Variants in PCAT7 observed in about 807,000 individuals in gnomAD.
PCAT7 encodes prostate cancer associated transcript 7.
At chr9:94,564,094 G>A (rs1172371875) in intron 2 of PCAT7, among the ~76,000 whole-genome samples, 1 of 152,078 alleles carries the variant, frequency 6.6e-6, no homozygotes, top group African/African-American at 2.4e-5. Context: ...AATTAACGAA[G>A]ATACTCAAGA....
At chr9:94,564,426 G>T (rs1827155929) in intron 2 of PCAT7, among the ~76,000 whole-genome samples, 1 of 152,178 alleles carries the variant, frequency 6.6e-6, no homozygotes, top group African/African-American at 2.4e-5. Flanking sequence ...CCCATCAGTG[G>T]TAGACTGGAT....
intron 1 of PCAT7, among the ~76,000 whole-genome samples, chr9:94,555,716 A>G (rs907838944): frequency 3.3e-5 from 5 of 151,596 alleles, no homozygotes; most frequent in Admixed American, 3.3e-4. Flanking sequence ...AGCGGGAGGA[A>G]GACAAGGTTT....
intron 2 of PCAT7, among the ~76,000 whole-genome samples, chr9:94,563,967 A>C (rs556905944): frequency 5.3e-5 from 8 of 152,178 alleles, no homozygotes; most frequent in African/African-American, 1.9e-4. Context: ...CACCTAACAC[A>C]GGGGCACCCA....
At chr9:94,556,875 G>A (rs1827020617) in intron 1 of PCAT7, among the ~76,000 whole-genome samples, 1 of 152,132 alleles carries the variant, frequency 6.6e-6, no homozygotes, top group Admixed American at 6.5e-5. Flanking sequence ...TAAGGTAATG[G>A]CCTAGATGTA....
intron 1 of PCAT7, among the ~76,000 whole-genome samples, chr9:94,556,406 A>C (rs1412338203): frequency 6.6e-6 from 1 of 151,554 alleles, no homozygotes; most frequent in Non-Finnish European, 1.5e-5. Flanking sequence ...GTAGGGAGAA[A>C]ACGGTGAAAA....
At chr9:94,565,783 GATAGA>G (rs1564180703) in intron 2 of PCAT7, among the ~76,000 whole-genome samples, 2 of 135,232 alleles carry the variant, frequency 1.5e-5, no homozygotes, top group Non-Finnish European at 3.2e-5. Flanking sequence ...TAGATAGATA[GATAGA>G]TGATAGATAG....
intron 2 of PCAT7, among the ~76,000 whole-genome samples, chr9:94,561,936 C>T (rs1827111513): frequency 6.6e-6 from 1 of 152,136 alleles, no homozygotes; most frequent in Non-Finnish European, 1.5e-5. Context: ...GACTCATTTA[C>T]GATCATTTGA....
At chr9:94,570,267 C>G (rs1827253378) in intron 2 of PCAT7, 1 of 152,168 alleles carries the variant, frequency 6.6e-6, no homozygotes, top group African/African-American at 2.4e-5. Flanking sequence ...AGATATTTTG[C>G]TTGTACTCAA....
intron 3 of PCAT7, among the ~76,000 whole-genome samples, chr9:94,573,470 G>A (rs1827288806): frequency 1.3e-5 from 2 of 152,242 alleles, no homozygotes; most frequent in African/African-American, 4.8e-5. Context: ...TGTTGCCCAG[G>A]CTGGTCTCAA....
intron 2 of PCAT7, among the ~76,000 whole-genome samples, chr9:94,564,534 ATTATC>A (rs1827157713): frequency 6.6e-6 from 1 of 152,186 alleles, no homozygotes; most frequent in Non-Finnish European, 1.5e-5. Context: ...TGAAGGCCTA[ATTATC>A]TTAAGTAAAC....
chr9:94,564,022 A>AC (rs761519858), intron 2 of PCAT7, among the ~76,000 whole-genome samples: 4 of 151,950 alleles, frequency 2.6e-5, no homozygotes, highest in Admixed American at 6.6e-5. Context: ...AGACTTAGAC[A>AC]CCCCCCCACA....
chr9:94,568,655 G>A (rs1295037377), intron 2 of PCAT7: 2 of 152,198 alleles, frequency 1.3e-5, no homozygotes, highest in African/African-American at 4.8e-5. Context: ...ACTCCACATA[G>A]CAGAGGTGTT....
At chr9:94,561,656 C>T (rs948473894) in intron 2 of PCAT7, among the ~76,000 whole-genome samples, 1 of 152,156 alleles carries the variant, frequency 6.6e-6, no homozygotes, top group African/African-American at 2.4e-5. Flanking sequence ...TGAGCCACCG[C>T]AGCCAGCCAT....
intron 2 of PCAT7, chr9:94,571,349 G>C (rs1827266346): frequency 8.6e-7 from 1 of 1,161,004 alleles, no homozygotes; most frequent in Admixed American, 3.0e-5. Flanking sequence ...CAGGACCCCT[G>C]GTCCCCAAAA....
chr9:94,563,847 T>C (rs919054593), intron 2 of PCAT7, among the ~76,000 whole-genome samples: 2 of 152,034 alleles, frequency 1.3e-5, no homozygotes, highest in African/African-American at 4.8e-5. Flanking sequence ...AATCCTAATT[T>C]CAGACAAAAT....
At chr9:94,558,644 C>T in intron 1 of PCAT7, 1 of 356,674 alleles carries the variant, frequency 2.8e-6, no homozygotes, top group African/African-American at 2.1e-5. Flanking sequence ...ATGCAGCCGC[C>T]AATTATGTGG....
At chr9:94,566,887 C>A (rs1827197466) in intron 2 of PCAT7, among the ~76,000 whole-genome samples, 1 of 152,084 alleles carries the variant, frequency 6.6e-6, no homozygotes, top group African/African-American at 2.4e-5. Flanking sequence ...TTTCCATGAA[C>A]TTTTTGAAGG....
At chr9:94,557,664 T>C (rs997359160) in intron 1 of PCAT7, among the ~76,000 whole-genome samples, 14 of 152,232 alleles carry the variant, frequency 9.2e-5, no homozygotes, top group African/African-American at 3.1e-4. Flanking sequence ...CGACACTGCC[T>C]TCCCCTAACC....
At chr9:94,569,988 T>C (rs1227172794) in intron 2 of PCAT7, 1 of 152,214 alleles carries the variant, frequency 6.6e-6, no homozygotes, top group African/African-American at 2.4e-5. Flanking sequence ...CTTTGTGCAC[T>C]GGGTCTTTGC....
Sources: gnomAD v4.1 joint callset for allele counts (sites outside exome capture counted in the v4.1 genomes callset) on GRCh38, gnomAD v4.1.1 for gene constraint, MANE v1.5 for transcripts, NCBI Gene and HGNC (gene_info 2026-07-23, HGNC 2026-07-21) for gene names.